Variants in GLOD4 observed in about 807,000 individuals in gnomAD.
GLOD4 encodes glyoxalase domain containing 4.
A neutral mutation model predicts 39.1 loss-of-function variants in GLOD4; 44 were observed. That is an observed-to-expected ratio of 1.13 (90% confidence interval 0.88 to 1.45). The LOEUF (loss-of-function observed/expected upper bound fraction) is 1.45. GLOD4 is among the 40% of genes most tolerant of loss of function. The pLI is 0.00. For missense variants in GLOD4, 405 were observed against 366.4 expected, an observed-to-expected ratio of 1.11 and a Z score of -0.86; for synonymous variants, 145 against 135.0, an observed-to-expected ratio of 1.07 and a Z score of -0.52.
intron 3 of GLOD4, 85 bp downstream of exon 3, chr17:776,783 C>T: frequency 1.0e-6 from 1 of 997,512 alleles, no homozygotes; most frequent in Non-Finnish European, 1.6e-6. Flanking sequence ...TCTCTTCACT[C>T]ACACACACCC....
chr17:782,148 G>T lies in GLOD4; in HGVS notation c.90+18C>A, dbSNP rs780507618. 8.9e-6 allele frequency: 14 copies of T among 1,566,652 alleles called. No individual in the cohort carries two copies. Among genetic ancestry groups the T allele is most frequent in the Non-Finnish European group, 1.2e-5 (14 of 1,150,298 alleles). On this transcript the variant is annotated intron_variant, in intron 1 of 8. Transcript: ENST00000301329. ...GTTCCAGCCTCGCGCGCCAGCCCCT[G>T]TCGGCCCCGGCCTGCACCTTCATCC...
chr17:776,026 T>TA, intron 3 of GLOD4, 107 bp from the exon 4 acceptor site: 2 of 828,212 alleles, frequency 2.4e-6, no homozygotes, highest in Non-Finnish European at 3.9e-6. Flanking sequence ...TAAAATCACC[T>TA]AAGATTTAAC....
intron 8 of GLOD4, chr17:764,985 T>G (rs142338409): frequency 6.6e-6 from 1 of 150,528 alleles, no homozygotes; most frequent in South Asian, 2.1e-4. Context: ...CCAGCCTGGG[T>G]GACAGAGCGA....
At chr17:770,570 G>A (rs947795789) in intron 5 of GLOD4, 63 bp from the exon 6 acceptor site, 18 of 804,500 alleles carry the variant, frequency 2.2e-5, no homozygotes, top group Non-Finnish European at 3.4e-5. Context: ...GTATGTGGTA[G>A]AAAAATTCAA....
At position 764,776 on chromosome 17, in the gene GLOD4, AG is replaced by A. The variant is rs1232905901; in HGVS notation, c.832-4539del. ...GTAATCCCAGCCCTTTGGGAGGCCA[AG>A]GTGGGTGGATCACAAGGTCAGGAGA... On this transcript the variant is annotated intron_variant, in intron 8 of 8. Transcript: ENST00000301329. 4.0e-5 allele frequency: 6 copies of A among 150,746 alleles called. 1 individual carries two copies. The highest frequency in any genetic ancestry group is 8.8e-5 in the Non-Finnish European group (6 of 67,894). The allele number at this position is 150,746 out of a possible 1,614,324, so 9.3% of individuals were successfully genotyped here. A position where few individuals can be genotyped will look rare whatever the true frequency, so the allele number is the denominator to read the frequency against.
At chr17:767,901 C>A (rs1430532153) in intron 8 of GLOD4, among the ~76,000 whole-genome samples, 1 of 144,668 alleles carries the variant, frequency 6.9e-6, no homozygotes, top group Non-Finnish European at 1.5e-5. Flanking sequence ...GAGAGAGAAA[C>A]AGCGCGCACT....
At chr17:782,446 A>ACCTTGACGCGAGGCGCTGGGT, upstream of GLOD4, 1 of 1,613,812 alleles carries the variant, frequency 6.2e-7, no homozygotes, top group Non-Finnish European at 8.5e-7. Flanking sequence ...CAGGCTTGGG[A>ACCTTGACGCGAGGCGCTGGGT]CCTTGACGCG....
intron 8 of GLOD4, among the ~76,000 whole-genome samples, chr17:760,615 G>A (rs1905267795): frequency 6.6e-6 from 1 of 152,214 alleles, no homozygotes; most frequent in Non-Finnish European, 1.5e-5. Flanking sequence ...GCCACTCACA[G>A]CATCTGGGCA....
At position 759,765 on chromosome 17, in the gene GLOD4, G is replaced by A; in HGVS notation, c.*408C>T. 1 of 160,880 alleles carries A rather than the reference G, an allele frequency of 6.2e-6. No individual in the cohort carries two copies. Among genetic ancestry groups the A allele is most frequent in the Admixed American group, 6.3e-5 (1 of 15,800 alleles). 10.0% of individuals were successfully genotyped at this position (160,880 alleles called of 1,614,324 possible). ...AGCGTATCGTCAGGCGCTGGGAATG[G>A]CACCACGACAAGGCATTAATGTGGA... On this transcript the variant is annotated 3_prime_UTR_variant, in exon 9 of 9. Transcript: ENST00000301329.
At chr17:773,431 ATT>A (rs1908336111) in intron 4 of GLOD4, among the ~76,000 whole-genome samples, 1 of 152,266 alleles carries the variant, frequency 6.6e-6, no homozygotes, top group East Asian at 1.9e-4. Context: ...TATACACTTA[ATT>A]ATATATACGT....
At position 776,909 on chromosome 17, in the gene GLOD4, T is replaced by G; in HGVS notation, c.220A>C (p.Asn74His). ...DDHFVAELTY[N>H]YGVGDYKLGN... ...AGCTTGTAGTCTCCGACGCCATAAT[T>G]GTAAGTCAGTTCTGCGACAAAATGA... Residue 74 changes from asparagine (N) to histidine (H), a missense_variant, in exon 3 of 9, where the codon AAT (asparagine) becomes CAT (histidine). Transcript: ENST00000301329. 6.2e-7 allele frequency: 1 copy of G among 1,612,476 alleles called. No individual in the cohort carries two copies. The highest frequency in any genetic ancestry group is 8.5e-7 in the Non-Finnish European group (1 of 1,178,480).
chr17:763,040 G>A (rs1395626947), intron 8 of GLOD4, among the ~76,000 whole-genome samples: 1 of 152,080 alleles, frequency 6.6e-6, no homozygotes, highest in Non-Finnish European at 1.5e-5. Context: ...AGCCAGGTGT[G>A]GTGGTGGGCG....
intron 4 of GLOD4, among the ~76,000 whole-genome samples, chr17:772,770 A>C (rs779349070): frequency 6.6e-6 from 1 of 152,158 alleles, no homozygotes; most frequent in African/African-American, 2.4e-5. Context: ...CTGAGGTGGC[A>C]GGATCATGAG....
chr17:768,745 T>A, intron 8 of GLOD4, among the ~76,000 whole-genome samples: 1 of 106,188 alleles, frequency 9.4e-6, no homozygotes, highest in Non-Finnish European at 1.8e-5. Context: ...CAGCGCGCAC[T>A]CAGATTTTTA....
At position 759,447 on chromosome 17, in the gene GLOD4, T is replaced by C. The variant is rs971292802; in HGVS notation, c.*726A>G. The stretch of plus-strand genomic sequence containing the variant: ...ACAAGAAAACATTTTCAAAACCTTT[T>C]TTTTCAGGCTGAAGAAATCGTTTAA... On this transcript the variant is annotated 3_prime_UTR_variant, in exon 9 of 9. Coordinates refer to ENST00000301329, the MANE Select transcript of GLOD4 (RefSeq NM_016080.4). 2.0e-5 allele frequency: 3 copies of C among 152,232 alleles called. No homozygotes were observed. Among genetic ancestry groups the C allele is most frequent in the Admixed American group, 6.5e-5 (1 of 15,284 alleles). 9.4% of individuals were successfully genotyped at this position (152,232 alleles called of 1,614,324 possible).
chr17:782,137 C>G (rs1451375941), intron 1 of GLOD4, 29 bp downstream of exon 1: 2 of 1,536,338 alleles, frequency 1.3e-6, no homozygotes, highest in Non-Finnish European at 1.8e-6. Flanking sequence ...CAGCCTCGCG[C>G]GCCAGCCCCT....
rs527518084 is a variant in GLOD4 at position 773,334 on chromosome 17, G to A, written c.407-1873C>T. On this transcript the variant is annotated intron_variant, in intron 4 of 8. Coordinates refer to ENST00000301329, the MANE Select transcript of GLOD4 (RefSeq NM_016080.4). ...CTTAGAACAATAAAACACTAGGAAC[G>A]ACATAAATATCCAACAATAGAGAAT... Among the ~76,000 whole-genome samples, 153 of 152,238 alleles carry A rather than the reference G, an allele frequency of 1.0e-3. 2 individuals carry two copies. The highest frequency in any genetic ancestry group is 3.6e-3 in the African/African-American group (149 of 41,536).
chr17:765,912 C>T (rs536481273), intron 8 of GLOD4, among the ~76,000 whole-genome samples: 5 of 151,356 alleles, frequency 3.3e-5, no homozygotes, highest in South Asian at 2.1e-4. Context: ...CCTGAGATCG[C>T]GCCACTGCAC....
upstream of GLOD4, chr17:783,244 A>G (rs1485799780): frequency 1.9e-6 from 3 of 1,614,152 alleles, no homozygotes; most frequent in South Asian, 1.1e-5. Flanking sequence ...CCAGTCGATA[A>G]GCTGAAAGGT....
Sources: gnomAD v4.1 joint callset for allele counts (sites outside exome capture counted in the v4.1 genomes callset) on GRCh38, gnomAD v4.1.1 for gene constraint, MANE v1.5 for transcripts, NCBI Gene and HGNC (gene_info 2026-07-23, HGNC 2026-07-21) for gene names.